Variants in ROCK1 observed in about 807,000 individuals in gnomAD.
ROCK1 encodes the protein rho-associated protein kinase 1.
ROCK1 carries 36 observed loss-of-function variants against 196.8 expected under a neutral mutation model. That is an observed-to-expected ratio of 0.18 (90% CI 0.14 to 0.24). The LOEUF is 0.24. Ranked by LOEUF, ROCK1 falls within the 10% of genes least tolerant of loss-of-function variation. The probability of loss-of-function intolerance (pLI) is 1.00; values close to 1 mark genes in which losing one functional copy is unlikely to be tolerated. For synonymous variants in ROCK1, 443 were observed against 515.9 expected, an observed-to-expected ratio of 0.86 and a Z score of 1.91; for missense variants, 920 against 1,562.0, an observed-to-expected ratio of 0.59 and a Z score of 6.93.
intron 13 of ROCK1, among the ~76,000 whole-genome samples, chr18:21,014,874 T>C (rs1382701328): frequency 1.3e-5 from 2 of 152,200 alleles, no homozygotes; most frequent in Admixed American, 6.5e-5. Flanking sequence ...AGAAATATAC[T>C]TAGAAGTTGA....
intron 10 of ROCK1, among the ~76,000 whole-genome samples, chr18:21,025,365 G>GT (rs1312692157): frequency 6.6e-6 from 1 of 152,092 alleles, no homozygotes; most frequent in African/African-American, 2.4e-5. Flanking sequence ...AATTTCAGAG[G>GT]TTTTCTATTT....
At chr18:21,028,547 G>A (rs892453154) in intron 10 of ROCK1, among the ~76,000 whole-genome samples, 10 of 151,956 alleles carry the variant, frequency 6.6e-5, no homozygotes, top group Non-Finnish European at 1.5e-4. Flanking sequence ...TGTAACTTGA[G>A]GATATATAGT....
chr18:21,080,161 C>T (rs2036471175), intron 1 of ROCK1, among the ~76,000 whole-genome samples: 3 of 152,128 alleles, frequency 2.0e-5, no homozygotes, highest in Non-Finnish European at 4.4e-5. Flanking sequence ...CTAGCAAACC[C>T]TGGAGAATAG....
At chr18:21,092,580 T>A (rs1458376613) in intron 1 of ROCK1, among the ~76,000 whole-genome samples, 3 of 81,108 alleles carry the variant, frequency 3.7e-5, no homozygotes, top group African/African-American at 5.2e-5. Flanking sequence ...ACCTCATCTT[T>A]AAAAAAAAAA....
intron 29 of ROCK1, among the ~76,000 whole-genome samples, chr18:20,959,242 G>A (rs528529701): frequency 3.7e-4 from 37 of 99,010 alleles, no homozygotes; most frequent in African/African-American, 8.3e-4. Context: ...ACAGAGTTTC[G>A]CTCTTGTGGC....
chr18:20,989,711 AAGATG>A (rs1217603874), intron 18 of ROCK1, among the ~76,000 whole-genome samples: 1 of 152,136 alleles, frequency 6.6e-6, no homozygotes, highest in Non-Finnish European at 1.5e-5. Context: ...AAAAGAAGTT[AAGATG>A]AGATGAGAGG....
chr18:20,979,339 C>G (rs1020954996), intron 22 of ROCK1, among the ~76,000 whole-genome samples: 3 of 152,106 alleles, frequency 2.0e-5, no homozygotes, highest in Non-Finnish European at 4.4e-5. Flanking sequence ...AAAATTGATA[C>G]TAGCCCAGGC....
chr18:21,059,782 A>G (rs2036273287), intron 2 of ROCK1, among the ~76,000 whole-genome samples: 1 of 152,234 alleles, frequency 6.6e-6, no homozygotes, highest in African/African-American at 2.4e-5. Flanking sequence ...AAGAGAATCA[A>G]TACAAATGTC....
At position 21,006,597 on chromosome 18, in the gene ROCK1, G is replaced by C. The variant is rs2035770922; in HGVS notation, c.1639C>G (p.Leu547Val). ...NEKLSQLQKQ[L>V]EEANDLLRTE... is the part of the protein sequence containing the mutation. ...CTAAGTAAGTCATTGGCTTCTTCTA[G>C]CTATTTAAAAAGAAAGCAAAAAAAT... Residue 547 changes from leucine to valine, a missense_variant and splice_region_variant, in exon 16 of 33, where the codon CTA (leucine) becomes GTA (valine). By Grantham distance (32) the Leu-to-Val change is conservative. This residue lies in a region of ROCK1 where 520 missense variants were observed against 657.1 expected (regional missense o/e 0.79). Coordinates refer to ENST00000399799, the MANE Select transcript of ROCK1 (RefSeq NM_005406.3). The C allele has an allele frequency of 6.2e-7, 1 of 1,608,372 alleles. No homozygotes were observed. The highest frequency in any genetic ancestry group is 1.3e-5 in the African/African-American group (1 of 74,464).
At chr18:21,067,091 T>C (rs1352480482) in intron 2 of ROCK1, among the ~76,000 whole-genome samples, 1 of 152,214 alleles carries the variant, frequency 6.6e-6, no homozygotes, top group Non-Finnish European at 1.5e-5. Context: ...CTTGATATTG[T>C]CAGTTTAGAA....
At chr18:20,957,047 C>G (rs1465912705) in intron 29 of ROCK1, among the ~76,000 whole-genome samples, 2 of 152,112 alleles carry the variant, frequency 1.3e-5, no homozygotes, top group East Asian at 3.9e-4. Context: ...GCAACTGAAA[C>G]TCATACTGTT....
chr18:20,953,861 T>G, intron 31 of ROCK1, 76 bp from the exon 32 acceptor site: 1 of 628,176 alleles, frequency 1.6e-6, no homozygotes. Flanking sequence ...AATGCATAGT[T>G]TTTCAAGTTC....
rs761434507 is a variant in ROCK1, at chr18:21,060,568, G to A, written c.175+9964C>T. Among the ~76,000 whole-genome samples, 10 of 152,096 alleles carry A rather than the reference G, an allele frequency of 6.6e-5. No individual in the cohort carries two copies. The East Asian group carries it at 7.7e-4, about 12-fold the overall frequency. ...TTCAAACTAAATTCATGGCCGGCACGGTGGCTCACGCCTGTAATTCCAGCA... is the reference window on the plus strand; with the variant it reads ...TTCAAACTAAATTCATGGCCGGCACAGTGGCTCACGCCTGTAATTCCAGCA... On this transcript the variant is annotated intron_variant, in intron 2 of 32. Transcript: ENST00000399799.
intron 13 of ROCK1, among the ~76,000 whole-genome samples, chr18:21,011,199 G>A (rs913327035): frequency 2.6e-5 from 4 of 151,928 alleles, no homozygotes; most frequent in African/African-American, 7.3e-5. Context: ...TAAGTCTGCC[G>A]TTTTTGTTTT....
intron 16 of ROCK1, among the ~76,000 whole-genome samples, chr18:20,996,592 C>T (rs1204388357): frequency 6.6e-6 from 1 of 152,054 alleles, no homozygotes; most frequent in East Asian, 1.9e-4. Context: ...AGGTCTGACT[C>T]AGCACAGTTC....
In ROCK1 at chr18:21,028,872, T is replaced by C; in HGVS notation, c.1115A>G (p.Glu372Gly). 2 of 1,612,750 alleles carry C rather than the reference T, an allele frequency of 1.2e-6. No individual in the cohort carries two copies. The highest frequency in any genetic ancestry group is 1.1e-5 in the South Asian group (1 of 90,762). ...TGTTTCTTCCTCTCCTTTATCTTCT[T>C]CCAAGTCATCAAAATTACTAGTATC... ...DIDTSNFDDLEEDKGEEETFP... is the reference protein window; with the variant it reads ...DIDTSNFDDLGEDKGEEETFP... Residue 372 changes from glutamate to glycine, a missense_variant, in exon 10 of 33, where the codon GAA becomes GGA. Coordinates refer to ENST00000399799, the MANE Select transcript of ROCK1 (RefSeq NM_005406.3).
chr18:21,086,784 C>T (rs139680855), intron 1 of ROCK1, among the ~76,000 whole-genome samples: 2,098 of 148,326 alleles, frequency 0.014, 24 homozygotes, highest in Middle Eastern at 0.081. Flanking sequence ...AAAATTAAGA[C>T]ATTCTCAGAT....
At chr18:20,991,774 A>C (rs1329075266) in intron 17 of ROCK1, among the ~76,000 whole-genome samples, 1 of 151,964 alleles carries the variant, frequency 6.6e-6, no homozygotes, top group East Asian at 1.9e-4. Flanking sequence ...GGCTAGTATT[A>C]CAGGCATATG....
intron 5 of ROCK1, 83 bp downstream of exon 5, chr18:21,045,209 T>C: frequency 8.1e-7 from 1 of 1,235,362 alleles, no homozygotes; most frequent in South Asian, 1.5e-5. Flanking sequence ...GAAGAATGGG[T>C]GAACTGAGAG....
Sources: gnomAD v4.1 joint callset for allele counts (sites outside exome capture counted in the v4.1 genomes callset) on GRCh38, gnomAD v4.1.1 for gene constraint, gnomAD v4.1.1 regional missense constraint, MANE v1.5 for transcripts, NCBI Gene and HGNC (gene_info 2026-07-23, HGNC 2026-07-21) for gene names.